Variants in RTTN observed in about 807,000 individuals in gnomAD.
The protein encoded by RTTN is rotatin.
RTTN carries 182 observed loss-of-function variants against 269.2 expected under a neutral mutation model. The ratio of observed to expected loss-of-function variants is 0.68; its 90% CI spans 0.60 to 0.76. The LOEUF is 0.76. Ranked by LOEUF, RTTN falls within the 30% of genes least tolerant of loss-of-function variation. The pLI is 0.00. For synonymous variants in RTTN, 1,006 were observed against 963.5 expected, an observed-to-expected ratio of 1.04 and a Z score of -0.82; for missense variants, 2,545 against 2,608.6, an observed-to-expected ratio of 0.98 and a Z score of 0.53.
intron 32 of RTTN, among the ~76,000 whole-genome samples, chr18:70,079,655 G>A (rs534056080): frequency 7.9e-5 from 12 of 152,220 alleles, no homozygotes; most frequent in African/African-American, 1.7e-4. Flanking sequence ...CTGCCAGATC[G>A]TCTGCTGAAT....
intron 17 of RTTN, among the ~76,000 whole-genome samples, chr18:70,146,808 T>TTCCTGAATC (rs1395039587): frequency 2.0e-5 from 3 of 152,002 alleles, no homozygotes; most frequent in Non-Finnish European, 2.9e-5. Context: ...AGACACCCAA[T>TTCCTGAATC]AAATACTTCC....
At chr18:70,153,241 T>C (rs541444488) in intron 14 of RTTN, among the ~76,000 whole-genome samples, 19 of 151,968 alleles carry the variant, frequency 1.3e-4, no homozygotes, top group Non-Finnish European at 2.6e-4. Flanking sequence ...GTAAACTATA[T>C]ATATATATAC....
At chr18:70,134,437 C>T (rs1260824159) in intron 23 of RTTN, 36 bp downstream of exon 23, 4 of 1,413,704 alleles carry the variant, frequency 2.8e-6, no homozygotes, top group Admixed American at 1.8e-5. Flanking sequence ...AACAACATTT[C>T]GTCCTTCAAG....
chr18:70,015,298 A>T (rs1599109703), intron 46 of RTTN, among the ~76,000 whole-genome samples: 1 of 151,938 alleles, frequency 6.6e-6, no homozygotes, highest in East Asian at 1.9e-4. Flanking sequence ...CTTGACCTCA[A>T]ATGATCCACC....
intron 39 of RTTN, among the ~76,000 whole-genome samples, chr18:70,049,834 T>A (rs1008586682): frequency 5.9e-5 from 9 of 152,128 alleles, no homozygotes; most frequent in African/African-American, 2.2e-4. Flanking sequence ...TAAAAATAAT[T>A]ATACTATACT....
intron 28 of RTTN, among the ~76,000 whole-genome samples, chr18:70,099,053 T>A (rs1179074911): frequency 6.6e-6 from 1 of 152,200 alleles, no homozygotes; most frequent in Non-Finnish European, 1.5e-5. Flanking sequence ...TGATGGACAT[T>A]TGGGCTAGTT....
At chr18:70,185,050 G>T (rs1211279209) in intron 10 of RTTN, among the ~76,000 whole-genome samples, 1 of 151,884 alleles carries the variant, frequency 6.6e-6, no homozygotes, top group Non-Finnish European at 1.5e-5. Flanking sequence ...CGATCAAATA[G>T]ATTCCAGAAG....
At chr18:70,095,129 T>A (rs1488259791) in intron 28 of RTTN, among the ~76,000 whole-genome samples, 1 of 150,688 alleles carries the variant, frequency 6.6e-6, no homozygotes, top group African/African-American at 2.5e-5. Context: ...AACTCCTGCT[T>A]TTTTTTTTCT....
chr18:70,140,203 A>T lies in RTTN; in HGVS notation c.2582-15T>A. 1 of 1,433,034 alleles carries T rather than the reference A, an allele frequency of 7.0e-7. No individual in the cohort carries two copies. Among genetic ancestry groups the T allele is most frequent in the South Asian group, 1.2e-5 (1 of 85,210 alleles). The allele number at this position is 1,433,034 out of a possible 1,614,324, so 88.8% of individuals were successfully genotyped here. A position where few individuals can be genotyped will look rare whatever the true frequency, so the allele number is the denominator to read the frequency against. ...CATTTTAATATCTGTAGATAAAAAA[A>T]GTTACTAAAAGTTAAAGCACATTTT... On this transcript the variant is annotated splice_polypyrimidine_tract_variant and intron_variant, in intron 19 of 48. Coordinates refer to ENST00000640769, the MANE Select transcript of RTTN (RefSeq NM_173630.4).
At chr18:70,205,492 G>T in intron 1 of RTTN, 136 bp downstream of exon 1, 1 of 1,353,842 alleles carries the variant, frequency 7.4e-7, no homozygotes. Flanking sequence ...TGGGTCCCCG[G>T]GGGCTATCCT....
chr18:70,084,225 T>A (rs2058644674), intron 32 of RTTN, among the ~76,000 whole-genome samples: 1 of 41,514 alleles, frequency 2.4e-5, no homozygotes, highest in Non-Finnish European at 1.5e-4. Context: ...AGCAATTCTC[T>A]TTGTTAAAAA....
chr18:70,202,740 A>G (rs1164778408), intron 3 of RTTN, among the ~76,000 whole-genome samples: 1 of 152,230 alleles, frequency 6.6e-6, no homozygotes, highest in Non-Finnish European at 1.5e-5. Flanking sequence ...GGGGCAAGTT[A>G]CTTTATACTT....
intron 28 of RTTN, among the ~76,000 whole-genome samples, chr18:70,101,120 T>C (rs868252925): frequency 5.3e-5 from 8 of 152,250 alleles, no homozygotes; most frequent in Non-Finnish European, 1.0e-4. Flanking sequence ...TCCCTCTTTT[T>C]CTATTGACTG....
At chr18:70,107,990 TCAGGC>T (rs2059365633) in intron 28 of RTTN, among the ~76,000 whole-genome samples, 1 of 152,220 alleles carries the variant, frequency 6.6e-6, no homozygotes, top group Non-Finnish European at 1.5e-5. Flanking sequence ...AAAAGTCATT[TCAGGC>T]CAGGCGCAGT....
chr18:70,054,053 G>A, intron 38 of RTTN, 78 bp downstream of exon 38: 4 of 1,217,882 alleles, frequency 3.3e-6, no homozygotes, highest in South Asian at 1.5e-5. Flanking sequence ...TAACCTTCAA[G>A]TGAATATCTG....
chr18:70,081,481 T>C (rs567404620), intron 32 of RTTN, among the ~76,000 whole-genome samples: 3 of 152,250 alleles, frequency 2.0e-5, no homozygotes, highest in Admixed American at 6.5e-5. Flanking sequence ...TAATCAAAGT[T>C]AGTATCACCA....
Position 70,188,236 on chromosome 18 carries a change from A to T in RTTN, c.1190-13T>A. 1.4e-6 allele frequency: 2 copies of T among 1,451,036 alleles called. No homozygotes were observed. The highest frequency in any genetic ancestry group is 1.9e-6 in the Non-Finnish European group (2 of 1,037,624). The allele number at this position is 1,451,036 out of a possible 1,614,324, so 89.9% of individuals were successfully genotyped here. A position where few individuals can be genotyped will look rare whatever the true frequency, so the allele number is the denominator to read the frequency against. ...ACTTGTCTGCTACCTAGGAATACAA[A>T]CAGAAAAAAGTAAAGGAGAAGAAGT... On this transcript the variant is annotated splice_polypyrimidine_tract_variant and intron_variant, in intron 9 of 48. Transcript: ENST00000640769.
chr18:70,058,727 T>C (rs1464186966), intron 36 of RTTN, among the ~76,000 whole-genome samples: 1 of 152,136 alleles, frequency 6.6e-6, no homozygotes, highest in African/African-American at 2.4e-5. Context: ...TTGGTCATCT[T>C]CAGGCAGGAG....
At chr18:70,149,172 T>C in intron 16 of RTTN, 135 bp from the exon 17 acceptor site, 3 of 726,260 alleles carry the variant, frequency 4.1e-6, no homozygotes, top group Non-Finnish European at 6.5e-6. Flanking sequence ...TCATTATTTT[T>C]TAAAATAACT....
Sources: allele counts gnomAD v4.1 joint callset (sites outside exome capture counted in the v4.1 genomes callset), GRCh38; gene constraint gnomAD v4.1.1; transcripts MANE v1.5; gene names NCBI Gene and HGNC (gene_info 2026-07-23, HGNC 2026-07-21).